Variants in SUMF1 observed in about 807,000 individuals in gnomAD.
SUMF1 encodes formylglycine-generating enzyme.
A neutral mutation model predicts 47.6 loss-of-function variants in SUMF1; 48 were observed. The observed-to-expected ratio is 1.01, with a 90% CI of 0.80 to 1.28. The LOEUF (loss-of-function observed/expected upper bound fraction) is 1.28. SUMF1 is among the 50% of genes most tolerant of loss of function. SUMF1 has a pLI of 0.00. For synonymous variants in SUMF1, 230 were observed against 192.1 expected, an observed-to-expected ratio of 1.20 and a Z score of -1.63; for missense variants, 571 against 485.4, an observed-to-expected ratio of 1.18 and a Z score of -1.66.
At chr3:4,287,383 T>C (rs1013904091) in intron 8 of SUMF1, among the ~76,000 whole-genome samples, 4 of 147,560 alleles carry the variant, frequency 2.7e-5, no homozygotes, top group African/African-American at 1.0e-4. Flanking sequence ...AATAGCCATT[T>C]AGAAGAATAA....
At chr3:4,143,525 A>T (rs1014200341) in intron 8 of SUMF1, among the ~76,000 whole-genome samples, 3 of 152,156 alleles carry the variant, frequency 2.0e-5, no homozygotes, top group African/African-American at 7.2e-5. Flanking sequence ...AATGAAAGTC[A>T]TCATTTATTT....
chr3:4,147,070 A>G (rs1334883772), intron 8 of SUMF1, among the ~76,000 whole-genome samples: 1 of 152,166 alleles, frequency 6.6e-6, no homozygotes, highest in African/African-American at 2.4e-5. Context: ...AAAAATGCTC[A>G]TCATCACTGG....
chr3:4,229,937 CAGG>C (rs2124981510), intron 8 of SUMF1, among the ~76,000 whole-genome samples: 1 of 151,972 alleles, frequency 6.6e-6, no homozygotes, highest in South Asian at 2.1e-4. Context: ...CCCTTGAGCC[CAGG>C]AGTTTAACAC....
At chr3:4,223,966 A>T (rs1231359095) in intron 8 of SUMF1, among the ~76,000 whole-genome samples, 1 of 152,180 alleles carries the variant, frequency 6.6e-6, no homozygotes, top group Non-Finnish European at 1.5e-5. Context: ...CTTCTGACAG[A>T]AACAGTCCAA....
intron 1 of SUMF1, among the ~76,000 whole-genome samples, chr3:4,459,377 A>G (rs889737279): frequency 6.6e-6 from 1 of 152,186 alleles, no homozygotes; most frequent in African/African-American, 2.4e-5. Context: ...AGGGGAAAAA[A>G]AAGAAGTCAA....
In SUMF1 at chr3:4,326,890, T is replaced by C. The variant is rs537189396; in HGVS notation, c.1014+49440A>G. ...AAAGCATTCTGGTCATATCTGAAAATATGCCATGCCAGTCAAAGCTTTGGT... is the reference window on the plus strand; with the variant it reads ...AAAGCATTCTGGTCATATCTGAAAACATGCCATGCCAGTCAAAGCTTTGGT... On this transcript the variant is annotated intron_variant and NMD_transcript_variant, in intron 8 of 12. Transcript: ENST00000448413. Among the ~76,000 whole-genome samples, 13 of 152,262 alleles carry C rather than the reference T, an allele frequency of 8.5e-5. No homozygotes were observed. In the South Asian group the frequency reaches 2.1e-3, roughly 24 times the overall value.
chr3:4,263,618 G>A (rs889984615), intron 8 of SUMF1, among the ~76,000 whole-genome samples: 6 of 152,036 alleles, frequency 3.9e-5, no homozygotes, highest in Non-Finnish European at 8.8e-5. Context: ...CTTTCACCCA[G>A]TTCACTGGGA....
intron 3 of SUMF1, among the ~76,000 whole-genome samples, chr3:4,439,074 C>T (rs1011670558): frequency 1.3e-5 from 2 of 152,136 alleles, no homozygotes; most frequent in Admixed American, 6.5e-5. Context: ...CATTAGAAAA[C>T]ATTTAGAAAT....
At chr3:4,174,484 A>G (rs1694912428) in intron 8 of SUMF1, among the ~76,000 whole-genome samples, 1 of 151,910 alleles carries the variant, frequency 6.6e-6, no homozygotes, top group Admixed American at 6.6e-5. Flanking sequence ...CAAGCAAATC[A>G]CTTCAGCTCA....
At chr3:4,466,105 A>ATTTC (rs934885338) in intron 1 of SUMF1, among the ~76,000 whole-genome samples, 2 of 151,702 alleles carry the variant, frequency 1.3e-5, no homozygotes, top group African/African-American at 4.8e-5. Context: ...AGTAACAGTT[A>ATTTC]TTTCTTTCTT....
intron 8 of SUMF1, among the ~76,000 whole-genome samples, chr3:4,193,487 T>C (rs954229835): frequency 6.6e-6 from 1 of 152,106 alleles, no homozygotes; most frequent in Non-Finnish European, 1.5e-5. Context: ...GGCATTTTAA[T>C]TGTGGGCAGT....
intron 8 of SUMF1, among the ~76,000 whole-genome samples, chr3:4,170,666 G>A (rs913389312): frequency 1.9e-4 from 29 of 152,106 alleles, no homozygotes; most frequent in South Asian, 6.2e-4. Context: ...AGAGAGTCTG[G>A]GATTAAACCA....
At chr3:4,342,591 G>A (rs534633748) in intron 8 of SUMF1, among the ~76,000 whole-genome samples, 2 of 152,270 alleles carry the variant, frequency 1.3e-5, no homozygotes, top group East Asian at 3.9e-4. Context: ...AGTTTTATAT[G>A]GCTGGTTTCA....
At chr3:4,417,048 G>T in intron 6 of SUMF1, 80 bp downstream of exon 6, 1 of 1,291,438 alleles carries the variant, frequency 7.7e-7, no homozygotes, top group Non-Finnish European at 1.1e-6. Context: ...CACAAAGTGA[G>T]CAATGCCTTT....
chr3:4,259,547 T>G (rs1313108825), intron 8 of SUMF1, among the ~76,000 whole-genome samples: 1 of 152,152 alleles, frequency 6.6e-6, no homozygotes, highest in Non-Finnish European at 1.5e-5. Context: ...GGGATTGTAG[T>G]TTGGTTTTTA....
intron 1 of SUMF1, among the ~76,000 whole-genome samples, chr3:4,466,509 C>A (rs547247389): frequency 6.6e-6 from 1 of 152,278 alleles, no homozygotes; most frequent in African/African-American, 2.4e-5. Context: ...CTTAGCCCTT[C>A]CTAAGTGCTA....
At chr3:4,044,547 T>C (rs1694971843) in intron 9 of SUMF1, among the ~76,000 whole-genome samples, 1 of 152,234 alleles carries the variant, frequency 6.6e-6, no homozygotes, top group Admixed American at 6.5e-5. Flanking sequence ...GTACAAATTA[T>C]CCATGCTCAA....
chr3:4,288,834 C>T (rs1020037911), intron 8 of SUMF1, among the ~76,000 whole-genome samples: 2 of 152,010 alleles, frequency 1.3e-5, no homozygotes, highest in African/African-American at 2.4e-5. Flanking sequence ...CTACAAAGCC[C>T]TCCATTGTTT....
chr3:4,263,487 C>G (rs1435107462), intron 8 of SUMF1, among the ~76,000 whole-genome samples: 1 of 152,118 alleles, frequency 6.6e-6, no homozygotes, highest in Non-Finnish European at 1.5e-5. Flanking sequence ...CTCCTTGATC[C>G]AGCCCCAATC....
Sources: gnomAD v4.1 joint callset for allele counts (sites outside exome capture counted in the v4.1 genomes callset) on GRCh38, gnomAD v4.1.1 for gene constraint, MANE v1.5 for transcripts, NCBI Gene and HGNC (gene_info 2026-07-23, HGNC 2026-07-21) for gene names.